The following NHERF2 variants were observed in gnomAD, a reference collection of about 807,000 sequenced individuals.
NHERF2 encodes NHERF family PDZ scaffold protein 2, also known as Na(+)/H(+) exchange regulatory cofactor NHE-RF2.
At chr16:2,035,473 C>T in the NHERF2 span, 23 of 986,000 alleles carry the variant, frequency 2.3e-5, no homozygotes, top group East Asian at 2.3e-4. Context: ...GCCCCCAGCC[C>T]GCCTGCACAG....
chr16:2,036,954 G>GAGGACGGGT, the NHERF2 span: 1 of 1,559,214 alleles, frequency 6.4e-7, no homozygotes, highest in Admixed American at 1.9e-5. Flanking sequence ...TGTCCCCACA[G>GAGGACGGGT]GTCCTCTGCC....
At chr16:2,033,220 A>G in the NHERF2 span, 3 of 1,495,700 alleles carry the variant, frequency 2.0e-6, no homozygotes, top group Non-Finnish European at 2.7e-6. Context: ...CTCAGCCCCC[A>G]CGTCCCCACC....
At chr16:2,036,856 C>T in the NHERF2 span, 2 of 1,611,476 alleles carry the variant, frequency 1.2e-6, no homozygotes, top group East Asian at 2.2e-5. Context: ...GGCTTCGGGT[C>T]ACACCCACCG....
At chr16:2,029,707 AC>A in the NHERF2 span, 1 of 1,036,694 alleles carries the variant, frequency 9.6e-7, no homozygotes, top group South Asian at 1.3e-5. Flanking sequence ...GAGGGCTCCC[AC>A]CCGCCCACGA....
chr16:2,030,245 G>C, the NHERF2 span, among the ~76,000 whole-genome samples: 1 of 152,194 alleles, frequency 6.6e-6, no homozygotes, highest in African/African-American at 2.4e-5. Context: ...CACAGGCAGC[G>C]CCGTGGTTGG....
the NHERF2 span, chr16:2,027,121 T>G: frequency 6.8e-7 from 1 of 1,467,948 alleles, no homozygotes; most frequent in Non-Finnish European, 9.0e-7. Context: ...ATCCGGCGCG[T>G]GGAACCCGGT....
chr16:2,032,242 A>G, the NHERF2 span, among the ~76,000 whole-genome samples: 2 of 151,116 alleles, frequency 1.3e-5, no homozygotes, highest in Non-Finnish European at 3.0e-5. This position sits in a 1 kb window ranked among gnomAD's most constrained non-coding sequence, Gnocchi z 4.0. Context: ...CTGGTCTCAA[A>G]CTCTTGGGCT....
the NHERF2 span, chr16:2,035,338 C>G: frequency 2.2e-6 from 2 of 929,042 alleles, no homozygotes; most frequent in South Asian, 4.9e-5. Flanking sequence ...GTGTCTGAGG[C>G]CTGGAGACCT....
At chr16:2,036,457 C>A in the NHERF2 span, 1 of 1,603,058 alleles carries the variant, frequency 6.2e-7, no homozygotes, top group Non-Finnish European at 8.5e-7. Context: ...GACCCGGGCT[C>A]ACCTGCCGCC....
the NHERF2 span, chr16:2,038,116 C>T: frequency 8.6e-7 from 1 of 1,164,058 alleles, no homozygotes; most frequent in East Asian, 2.6e-5. Context: ...AGCCCCAGCC[C>T]CGGTGAGCCC....
At chr16:2,029,611 G>C in the NHERF2 span, 1 of 1,579,146 alleles carries the variant, frequency 6.3e-7, no homozygotes, top group Admixed American at 1.8e-5. Flanking sequence ...CTGTGGAGGG[G>C]CAGACTCGGC....
chr16:2,035,455 C>T, the NHERF2 span: 9 of 985,778 alleles, frequency 9.1e-6, no homozygotes, highest in African/African-American at 8.7e-5. Flanking sequence ...GAGGGAAGGG[C>T]CCTGGCAGCC....
At chr16:2,035,691 G>C in the NHERF2 span, 1 of 985,676 alleles carries the variant, frequency 1.0e-6, no homozygotes, top group Non-Finnish European at 1.2e-6. Flanking sequence ...CAGGATGCCA[G>C]AGGTAACATG....
At chr16:2,034,859 T>A in the NHERF2 span, among the ~76,000 whole-genome samples, 1 of 152,260 alleles carries the variant, frequency 6.6e-6, no homozygotes, top group East Asian at 1.9e-4. Flanking sequence ...GTGCTGTGAC[T>A]GCATCCCTGA....
chr16:2,037,699 T>C, the NHERF2 span: 3 of 1,557,856 alleles, frequency 1.9e-6, no homozygotes, highest in Non-Finnish European at 2.6e-6. Context: ...GGGTCTCTGT[T>C]CAGGAAGTCC....
At chr16:2,035,543 T>C in the NHERF2 span, 1 of 986,590 alleles carries the variant, frequency 1.0e-6, no homozygotes. Context: ...GCCTCCTGCC[T>C]GCTCCGGCCA....
the NHERF2 span, among the ~76,000 whole-genome samples, chr16:2,030,855 C>T: frequency 6.6e-6 from 1 of 151,848 alleles, no homozygotes; most frequent in African/African-American, 2.4e-5. Context: ...GCAGGAGAGT[C>T]GCTTGAACCC....
chr16:2,029,514 G>A, the NHERF2 span: 25 of 1,422,482 alleles, frequency 1.8e-5, no homozygotes, highest in Non-Finnish European at 2.4e-5. Context: ...AGCCCAGAGT[G>A]GTGCCACTGC....
chr16:2,033,493 G>T, the NHERF2 span: 78 of 1,467,858 alleles, frequency 5.3e-5, no homozygotes, highest in African/African-American at 9.6e-4. Context: ...AGCCTCCCGG[G>T]GTGGAAGGAG....
Sources: gnomAD v4.1 joint callset for allele counts (sites outside exome capture counted in the v4.1 genomes callset) on GRCh38, gnomAD v4.1.1 for gene constraint, Gnocchi (gnomAD v3.1) non-coding constraint, MANE v1.5 for transcripts, NCBI Gene and HGNC (gene_info 2026-07-23, HGNC 2026-07-21) for gene names.